RBMS3: variants seen among roughly 807,000 people sequenced by gnomAD.
The protein encoded by RBMS3 is RNA-binding motif, single-stranded-interacting protein 3.
Under a neutral mutation model 66.8 loss-of-function variants are expected in RBMS3, and 27 were observed. The ratio of observed to expected loss-of-function variants is 0.40; its 90% CI spans 0.30 to 0.56. The LOEUF (loss-of-function observed/expected upper bound fraction) is 0.56. RBMS3 is among the 20% of genes least tolerant of loss of function. The pLI is 0.40. For synonymous variants in RBMS3, 188 were observed against 183.0 expected, an observed-to-expected ratio of 1.03 and a Z score of -0.22; for missense variants, 513 against 549.5, an observed-to-expected ratio of 0.93 and a Z score of 0.66.
At chr3:29,400,557 A>G (rs2039761018) in intron 1 of RBMS3, among the ~76,000 whole-genome samples, 1 of 151,974 alleles carries the variant, frequency 6.6e-6, no homozygotes, top group African/African-American at 2.4e-5. Context: ...TCATGTATTA[A>G]TGGCTGACAT....
chr3:29,839,737 T>A (rs1216296498), intron 6 of RBMS3, among the ~76,000 whole-genome samples: 2 of 151,832 alleles, frequency 1.3e-5, no homozygotes, highest in African/African-American at 4.8e-5. Flanking sequence ...ATAATAGTCA[T>A]TGGTCTCAGC....
chr3:29,884,454 C>CTCTATCTCTG (rs1559767262), intron 8 of RBMS3, among the ~76,000 whole-genome samples: 8 of 135,844 alleles, frequency 5.9e-5, no homozygotes, highest in African/African-American at 1.7e-4. Flanking sequence ...CTCTCTCTCT[C>CTCTATCTCTG]TCTCTCTCTC....
chr3:29,370,347 G>A (rs749279483), intron 1 of RBMS3, among the ~76,000 whole-genome samples: 3 of 152,158 alleles, frequency 2.0e-5, no homozygotes, highest in Non-Finnish European at 4.4e-5. Flanking sequence ...TTCTGTTCAG[G>A]TTGTACATCC....
chr3:29,684,576 A>G (rs2051632974), intron 4 of RBMS3, among the ~76,000 whole-genome samples: 1 of 152,186 alleles, frequency 6.6e-6, no homozygotes, highest in Non-Finnish European at 1.5e-5. Context: ...TTTCCCTGAA[A>G]GCATTGTTTT....
intron 6 of RBMS3, among the ~76,000 whole-genome samples, chr3:29,780,774 T>C (rs1381434334): frequency 6.6e-6 from 1 of 152,184 alleles, no homozygotes; most frequent in African/African-American, 2.4e-5. Flanking sequence ...CAAATCCTTA[T>C]AATACATCTT....
At chr3:29,923,678 A>G (rs775625782) in intron 10 of RBMS3, among the ~76,000 whole-genome samples, 1 of 152,192 alleles carries the variant, frequency 6.6e-6, no homozygotes, top group African/African-American at 2.4e-5. Flanking sequence ...ATACATCAGT[A>G]TAATTTTAAC....
chr3:29,400,429 A>G (rs1157176809), intron 1 of RBMS3, among the ~76,000 whole-genome samples: 2 of 151,994 alleles, frequency 1.3e-5, no homozygotes, highest in Non-Finnish European at 2.9e-5. Context: ...GGAAGGAGGG[A>G]GAAATGGGTA....
chr3:29,955,310 C>T (rs1012965317), intron 12 of RBMS3, among the ~76,000 whole-genome samples: 4 of 152,024 alleles, frequency 2.6e-5, no homozygotes, highest in South Asian at 2.1e-4. Context: ...CATCCAATGC[C>T]GATTTCAGCT....
intron 4 of RBMS3, among the ~76,000 whole-genome samples, chr3:29,610,413 A>G (rs1165417407): frequency 6.6e-6 from 1 of 152,040 alleles, no homozygotes; most frequent in Non-Finnish European, 1.5e-5. Flanking sequence ...AAGTAACACA[A>G]AGTCATTTTT....
intron 2 of RBMS3, among the ~76,000 whole-genome samples, chr3:29,463,456 A>G (rs1667108551): frequency 6.6e-6 from 1 of 152,132 alleles, no homozygotes; most frequent in Non-Finnish European, 1.5e-5. Flanking sequence ...TTCAGAGACA[A>G]GGTATGTTCC....
chr3:29,912,608 G>A (rs571862297), intron 10 of RBMS3, among the ~76,000 whole-genome samples: 8 of 152,014 alleles, frequency 5.3e-5, no homozygotes, highest in Admixed American at 1.3e-4. Context: ...CATCTGTAGA[G>A]AGAAACATTT....
chr3:29,563,061 A>G (rs912549136), intron 3 of RBMS3, among the ~76,000 whole-genome samples: 1 of 152,194 alleles, frequency 6.6e-6, no homozygotes, highest in African/African-American at 2.4e-5. Context: ...TCTGGAAAAG[A>G]CAGTGCAGGA....
chr3:29,697,457 T>G (rs1047086696), intron 4 of RBMS3, among the ~76,000 whole-genome samples: 1 of 152,248 alleles, frequency 6.6e-6, no homozygotes, highest in African/African-American at 2.4e-5. Context: ...TTAATCCACC[T>G]ATCTGAGCTA....
chr3:29,895,603 A>G (rs1302176740), intron 8 of RBMS3, among the ~76,000 whole-genome samples: 1 of 151,464 alleles, frequency 6.6e-6, no homozygotes, highest in African/African-American at 2.4e-5. Flanking sequence ...GTTGTGTTCC[A>G]TTGTATTGAT....
chr3:29,988,255 G>A, intron 13 of RBMS3, 32 bp downstream of exon 13: 2 of 1,550,586 alleles, frequency 1.3e-6, no homozygotes, highest in African/African-American at 1.4e-5. Context: ...AAAGAGGTTA[G>A]AAGAAATAAA....
chr3:29,514,660 T>TATATATATATATATATAC lies in RBMS3; in HGVS notation c.307+26178_307+26179insCATATATATATATATATA, dbSNP rs1553614284. Among the ~76,000 whole-genome samples, 89 of 142,674 alleles carry TATATATATATATATATAC rather than the reference T, an allele frequency of 6.2e-4. 2 individuals carry two copies. Among genetic ancestry groups the TATATATATATATATATAC allele is most frequent in the African/African-American group, 2.3e-3 (86 of 37,644 alleles). 93.6% of individuals were successfully genotyped at this position (142,674 alleles called of 152,430 possible). On this transcript the variant is annotated intron_variant, in intron 3 of 14. Coordinates refer to ENST00000383767, the MANE Select transcript of RBMS3 (RefSeq NM_001003793.3). ...TATGTGTGATAGGCACATATATATA[T>TATATATATATATATATAC]ATATATATATATATATATATGATAG...
In RBMS3 at chr3:29,704,573, G is replaced by A. The variant is rs12636839; in HGVS notation, c.400-35147G>A. 9.6e-3 allele frequency among the ~76,000 whole-genome samples: 1,460 copies of A among 152,278 alleles called. 58 individuals are homozygous for A. Among genetic ancestry groups the A allele is most frequent in the East Asian group, 0.07 (365 of 5,178 alleles). ...CTGTAAAACGGTGATACTACTGCCT[G>A]TTTTATAGGATTATTGTGATAAAAT... On this transcript the variant is annotated intron_variant, in intron 4 of 14. Coordinates refer to ENST00000383767, the MANE Select transcript of RBMS3 (RefSeq NM_001003793.3).
intron 4 of RBMS3, among the ~76,000 whole-genome samples, chr3:29,592,123 T>C (rs1243900032): frequency 6.6e-6 from 1 of 151,766 alleles, no homozygotes; most frequent in Non-Finnish European, 1.5e-5. Context: ...GATTTTTTAC[T>C]TGACATATAA....
intron 3 of RBMS3, among the ~76,000 whole-genome samples, chr3:29,505,514 T>G (rs377412552): frequency 0.019 from 2,174 of 117,294 alleles, 55 homozygotes; most frequent in African/African-American, 0.069. Context: ...TTGTTTTTTT[T>G]TTTTGTTGTT....
Sources: gnomAD v4.1 joint callset for allele counts (sites outside exome capture counted in the v4.1 genomes callset) on GRCh38, gnomAD v4.1.1 for gene constraint, MANE v1.5 for transcripts, NCBI Gene and HGNC (gene_info 2026-07-23, HGNC 2026-07-21) for gene names.